The following PCSK6 variants were observed in gnomAD, a reference collection of about 807,000 sequenced individuals.
The protein encoded by PCSK6 is paired basic amino acid cleaving enzyme 4.
PCSK6 carries 85 observed loss-of-function variants against 123.3 expected under a neutral mutation model. That is an observed-to-expected ratio of 0.69 (90% CI 0.58 to 0.83). PCSK6 has a LOEUF of 0.83. Among genes scored for constraint, PCSK6 ranks in the 40% least tolerant of loss-of-function variants. The pLI is 0.00. For synonymous variants in PCSK6, 508 were observed against 516.0 expected, an observed-to-expected ratio of 0.98 and a Z score of 0.21; for missense variants, 1,191 against 1,282.3, an observed-to-expected ratio of 0.93 and a Z score of 1.09.
intron 1 of PCSK6, among the ~76,000 whole-genome samples, chr15:101,459,414 C>T (rs1036349091): frequency 6.6e-6 from 1 of 152,082 alleles, no homozygotes; most frequent in African/African-American, 2.4e-5. Flanking sequence ...GTTCTCCCGG[C>T]TTGCTCCGCG....
rs77715987 is a variant in PCSK6, at chr15:101,364,064, C to T, written c.1858+2132G>A. On this transcript the variant is annotated intron_variant, in intron 13 of 21. Transcript: ENST00000611716. ...TTTCCACGTAAGGCAAGTCAACACT[C>T]TTCTTTTCTCCTAAAACTGTGCTAT... 4.7e-3 allele frequency among the ~76,000 whole-genome samples: 711 copies of T among 152,260 alleles called. 17 individuals are homozygous for T. In the East Asian group the frequency reaches 0.061, roughly 13 times the overall value.
chr15:101,430,069 A>C lies in PCSK6; in HGVS notation c.658-6T>G. 6.2e-7 allele frequency: 1 copy of C among 1,613,016 alleles called. No individual in the cohort carries two copies. The highest frequency in any genetic ancestry group is 8.5e-7 in the Non-Finnish European group (1 of 1,179,002). On this transcript the variant is annotated splice_polypyrimidine_tract_variant and splice_region_variant and intron_variant, in intron 4 of 21. Coordinates refer to ENST00000611716, the MANE Select transcript of PCSK6 (RefSeq NM_002570.5). Reference sequence around the variant, plus strand: ...TCGTAGCTGGCGTAGGAATCCTAAGAAATGGAATCGTGGTGAGTGAGGAGA... The same window carrying C: ...TCGTAGCTGGCGTAGGAATCCTAAGCAATGGAATCGTGGTGAGTGAGGAGA...
At chr15:101,386,806 C>T (rs1180211915) in intron 9 of PCSK6, among the ~76,000 whole-genome samples, 4 of 152,178 alleles carry the variant, frequency 2.6e-5, no homozygotes, top group African/African-American at 7.2e-5. Flanking sequence ...ATGGCTGGGC[C>T]GGTATCTACC....
intron 11 of PCSK6, among the ~76,000 whole-genome samples, chr15:101,381,838 G>C (rs2041916998): frequency 6.6e-6 from 1 of 152,380 alleles, no homozygotes; most frequent in Admixed American, 6.5e-5. Context: ...TCAGGCTGAG[G>C]AACTGATCCC....
chr15:101,484,033 A>T (rs2057957932), intron 1 of PCSK6, among the ~76,000 whole-genome samples: 1 of 152,214 alleles, frequency 6.6e-6, no homozygotes, highest in African/African-American at 2.4e-5. Flanking sequence ...ATATAGGTAT[A>T]TGCGTCAATA....
intron 13 of PCSK6, among the ~76,000 whole-genome samples, chr15:101,348,705 C>A (rs554399645): frequency 6.6e-6 from 1 of 152,186 alleles, no homozygotes; most frequent in Non-Finnish European, 1.5e-5. Context: ...TCCCCAGGCC[C>A]GTTGAAGTAG....
intron 11 of PCSK6, among the ~76,000 whole-genome samples, chr15:101,380,187 C>T (rs748315338): frequency 6.6e-6 from 1 of 152,192 alleles, no homozygotes; most frequent in Non-Finnish European, 1.5e-5. Context: ...CTCCCTCAAC[C>T]TGTGCTGTCT....
chr15:101,475,698 C>A (rs1297683764), intron 1 of PCSK6, among the ~76,000 whole-genome samples: 1 of 149,778 alleles, frequency 6.7e-6, no homozygotes, highest in African/African-American at 2.5e-5. Context: ...GCCATCTTGC[C>A]CAGGCTGGTC....
intron 1 of PCSK6, among the ~76,000 whole-genome samples, chr15:101,463,379 A>G (rs2057381656): frequency 6.6e-6 from 1 of 152,148 alleles, no homozygotes; most frequent in African/African-American, 2.4e-5. Flanking sequence ...CTCTCCTTCC[A>G]GGTGCCATCA....
At chr15:101,429,965 G>C (rs933495463) in intron 5 of PCSK6, 22 bp downstream of exon 5, 1 of 1,588,700 alleles carries the variant, frequency 6.3e-7, no homozygotes, top group Non-Finnish European at 8.6e-7. Context: ...AGAAGCCGGG[G>C]AGATGAGGCG....
chr15:101,327,458 C>T (rs1435066655), intron 15 of PCSK6, among the ~76,000 whole-genome samples: 2 of 152,076 alleles, frequency 1.3e-5, no homozygotes, highest in Non-Finnish European at 2.9e-5. Flanking sequence ...GCCCACCTGT[C>T]CCTCCTACGC....
chr15:101,451,370 G>C (rs2057030167), intron 1 of PCSK6, among the ~76,000 whole-genome samples: 1 of 152,126 alleles, frequency 6.6e-6, no homozygotes, highest in Admixed American at 6.5e-5. Context: ...CCCTCGAGCA[G>C]GCTGCGTTGT....
At chr15:101,382,049 C>T (rs1232760439) in intron 11 of PCSK6, 43 bp downstream of exon 11, 1 of 1,389,636 alleles carries the variant, frequency 7.2e-7, no homozygotes, top group South Asian at 1.2e-5. Context: ...CAGCTCCAAA[C>T]CCACGTGCCT....
chr15:101,384,522 G>C (rs573529228), intron 9 of PCSK6, 97 bp from the exon 10 acceptor site: 39 of 894,502 alleles, frequency 4.4e-5, no homozygotes, highest in African/African-American at 3.3e-4. Flanking sequence ...ACCCACGTCT[G>C]AACTTCAGCA....
At chr15:101,466,720 T>C (rs2057469081) in intron 1 of PCSK6, among the ~76,000 whole-genome samples, 1 of 148,416 alleles carries the variant, frequency 6.7e-6, no homozygotes, top group South Asian at 2.2e-4. Flanking sequence ...CTTGAAAACA[T>C]GCTAAGTCAA....
intron 16 of PCSK6, among the ~76,000 whole-genome samples, chr15:101,326,143 C>A (rs369207808): frequency 6.6e-6 from 1 of 152,222 alleles, no homozygotes; most frequent in Non-Finnish European, 1.5e-5. Flanking sequence ...TTTATAAGCA[C>A]GGACGCCAAC....
At chr15:101,453,811 A>G (rs900218195) in intron 1 of PCSK6, among the ~76,000 whole-genome samples, 1 of 152,234 alleles carries the variant, frequency 6.6e-6, no homozygotes, top group Non-Finnish European at 1.5e-5. Context: ...TCTCATCTAG[A>G]GAATTTGCCA....
At chr15:101,418,452 C>G (rs770148567) in intron 6 of PCSK6, among the ~76,000 whole-genome samples, 11 of 149,952 alleles carry the variant, frequency 7.3e-5, no homozygotes, top group Non-Finnish European at 1.2e-4. Flanking sequence ...GCAGATGTAT[C>G]AAAACAACAA....
At chr15:101,336,806 GCAC>G in intron 13 of PCSK6, 1 of 83,198 alleles carries the variant, frequency 1.2e-5, no homozygotes, top group African/African-American at 7.4e-5. Context: ...GAGGGGCCAG[GCAC>G]TGACTGAGCT....
Sources: allele counts gnomAD v4.1 joint callset (sites outside exome capture counted in the v4.1 genomes callset), GRCh38; gene constraint gnomAD v4.1.1; transcripts MANE v1.5; gene names NCBI Gene and HGNC (gene_info 2026-07-23, HGNC 2026-07-21).